DACH2: variants seen among roughly 807,000 people sequenced by gnomAD.
DACH2 encodes the protein dachshund homolog 2.
Under a neutral mutation model 35.8 loss-of-function variants are expected in DACH2, and 17 were observed. The ratio of observed to expected loss-of-function variants is 0.48; its 90% CI spans 0.33 to 0.71. The LOEUF is 0.71. Among genes scored for constraint, DACH2 ranks in the 30% least tolerant of loss-of-function variants. DACH2 has a pLI of 0.02. For missense variants in DACH2, 469 were observed against 472.7 expected, an observed-to-expected ratio of 0.99 and a Z score of 0.07; for synonymous variants, 195 against 177.3, an observed-to-expected ratio of 1.10 and a Z score of -0.79.
At chrX:86,330,025 C>T (rs138550290) in intron 1 of DACH2, among the ~76,000 whole-genome samples, 1,620 of 111,444 alleles carry the variant, frequency 0.015, 6 homozygotes, top group Middle Eastern at 0.023. Flanking sequence ...TCACTGGTGA[C>T]GCCAATAAGA....
rs184932225 is a variant in DACH2, at chrX:86,473,020, A to G, written c.528-41259A>G. On this transcript the variant is annotated intron_variant, in intron 2 of 11. Transcript: ENST00000373125. Reference sequence around the variant, plus strand: ...CTACAGTTCCAAGTTTTTTAAAAATATTTAACTTCTGTGGGTACATAGTAG... The same window carrying G: ...CTACAGTTCCAAGTTTTTTAAAAATGTTTAACTTCTGTGGGTACATAGTAG... Among the ~76,000 whole-genome samples, 173 of 111,554 alleles carry G rather than the reference A, an allele frequency of 1.6e-3. 1 individual carries two copies. The highest frequency in any genetic ancestry group is 5.1e-3 in the African/African-American group (158 of 30,853).
In DACH2 at chrX:86,541,845, C is replaced by A. The variant is rs752764385; in HGVS notation, c.640+27454C>A. Among the ~76,000 whole-genome samples the A allele has an allele frequency of 2.7e-5, 3 of 111,289 alleles. No homozygotes were observed. The South Asian group carries it at 1.1e-3, about 42-fold the overall frequency. ...TGTGTGTGCATGAGGAGGAAGGTAT[C>A]TGCCATAAATGTTTTTCACGAGATT... is the stretch of plus-strand genomic sequence containing the variant. On this transcript the variant is annotated intron_variant, in intron 3 of 11. Coordinates refer to ENST00000373125, the MANE Select transcript of DACH2 (RefSeq NM_053281.3).
At position 86,548,537 on chromosome X, in the gene DACH2, T is replaced by C. The variant is rs746483283; in HGVS notation, c.640+34146T>C. On this transcript the variant is annotated intron_variant, in intron 3 of 11. Coordinates refer to ENST00000373125, the MANE Select transcript of DACH2 (RefSeq NM_053281.3). ...AATCTCCATGCAGTTCCTTATATAC[T>C]TTTGAATTTCTGGCTCAAATTTTAT... Among the ~76,000 whole-genome samples, 4 of 112,141 alleles carry C rather than the reference T, an allele frequency of 3.6e-5. No individual in the cohort carries two copies. The East Asian group carries it at 1.1e-3, about 32-fold the overall frequency.
intron 3 of DACH2, among the ~76,000 whole-genome samples, chrX:86,618,381 G>A (rs1302080551): frequency 8.9e-6 from 1 of 111,996 alleles, no homozygotes; most frequent in Non-Finnish European, 1.9e-5. Context: ...ATAAAAGAAT[G>A]GAAAGAGTCA....
At chrX:86,576,769 G>A (rs2039440627) in intron 3 of DACH2, among the ~76,000 whole-genome samples, 1 of 111,104 alleles carries the variant, frequency 9.0e-6, no homozygotes, top group African/African-American at 3.3e-5. Context: ...AGAGATCAAT[G>A]CCTCCCTTGG....
chrX:86,309,430 G>A (rs1427636581), intron 1 of DACH2, among the ~76,000 whole-genome samples: 7 of 111,747 alleles, frequency 6.3e-5, no homozygotes, highest in Non-Finnish European at 1.1e-4. Context: ...GGCAAGGACA[G>A]CAATATACCT....
intron 2 of DACH2, among the ~76,000 whole-genome samples, chrX:86,447,165 G>C (rs1368332516): frequency 1.0e-5 from 1 of 99,061 alleles, no homozygotes; most frequent in South Asian, 5.4e-4. Flanking sequence ...TTGTAAATTT[G>C]TTTGAGTTCA....
chrX:86,386,102 G>A (rs1338874377), intron 2 of DACH2, among the ~76,000 whole-genome samples: 2 of 111,468 alleles, frequency 1.8e-5, no homozygotes, highest in Non-Finnish European at 3.8e-5. Flanking sequence ...GTTCCAAAAT[G>A]TAGGACATCA....
intron 1 of DACH2, among the ~76,000 whole-genome samples, chrX:86,197,431 A>G (rs1198542631): frequency 2.7e-5 from 3 of 111,726 alleles, no homozygotes; most frequent in African/African-American, 9.8e-5. Flanking sequence ...GAATGTAAAC[A>G]GGATAAATAT....
chrX:86,827,129 G>A (rs1366033948), intron 11 of DACH2, among the ~76,000 whole-genome samples: 1 of 111,690 alleles, frequency 9.0e-6, no homozygotes, highest in African/African-American at 3.3e-5. Flanking sequence ...GCATTTTATT[G>A]TAAATATAAA....
intron 2 of DACH2, among the ~76,000 whole-genome samples, chrX:86,378,563 G>A (rs1201976593): frequency 1.8e-5 from 2 of 110,629 alleles, no homozygotes; most frequent in Admixed American, 9.7e-5. Context: ...TGGGAATTAC[G>A]ATTTTTACAT....
intron 2 of DACH2, among the ~76,000 whole-genome samples, chrX:86,394,551 A>G (rs184202376): frequency 9.0e-6 from 1 of 111,710 alleles, no homozygotes; most frequent in African/African-American, 3.2e-5. Flanking sequence ...CTTTTGAAAA[A>G]TTTGATATTT....
At chrX:86,270,772 A>G (rs759539300) in intron 1 of DACH2, among the ~76,000 whole-genome samples, 1 of 111,893 alleles carries the variant, frequency 8.9e-6, no homozygotes, top group African/African-American at 3.2e-5. Context: ...ACTTAACTGC[A>G]TGTAAAATAT....
At chrX:86,532,154 A>T (rs1002696180) in intron 3 of DACH2, among the ~76,000 whole-genome samples, 15 of 112,219 alleles carry the variant, frequency 1.3e-4, no homozygotes, top group African/African-American at 4.5e-4. Flanking sequence ...TTACAGGCTT[A>T]TAGGTGAAAG....
At chrX:86,674,468 T>G (rs184432844) in intron 4 of DACH2, among the ~76,000 whole-genome samples, 24 of 112,311 alleles carry the variant, frequency 2.1e-4, no homozygotes, top group Non-Finnish European at 4.1e-4. Context: ...GAATTGATTC[T>G]TATGAGGGTG....
intron 1 of DACH2, among the ~76,000 whole-genome samples, chrX:86,234,623 T>A (rs2033017970): frequency 9.1e-6 from 1 of 109,325 alleles, no homozygotes; most frequent in African/African-American, 3.3e-5. Context: ...AATTTAATTT[T>A]TTTTTTTTGA....
chrX:86,749,364 G>A (rs187650801), intron 7 of DACH2, among the ~76,000 whole-genome samples: 3 of 111,697 alleles, frequency 2.7e-5, no homozygotes, highest in African/African-American at 9.7e-5. Flanking sequence ...GATTTAAAGC[G>A]AGATACATGT....
chrX:86,693,165 C>T (rs765487055), intron 4 of DACH2, among the ~76,000 whole-genome samples: 4 of 112,261 alleles, frequency 3.6e-5, no homozygotes, highest in Non-Finnish European at 7.5e-5. Flanking sequence ...CAGACCTCAA[C>T]ATGATCAAGG....
chrX:86,441,149 C>G (rs1291582166), intron 2 of DACH2, among the ~76,000 whole-genome samples: 1 of 111,259 alleles, frequency 9.0e-6, no homozygotes, highest in Non-Finnish European at 1.9e-5. Flanking sequence ...GTAATCACAT[C>G]AGGGTAAAAT....
Sources: gnomAD v4.1 joint callset for allele counts (sites outside exome capture counted in the v4.1 genomes callset) on GRCh38, gnomAD v4.1.1 for gene constraint, MANE v1.5 for transcripts, NCBI Gene and HGNC (gene_info 2026-07-23, HGNC 2026-07-21) for gene names.